PTPRD: variants seen among roughly 807,000 people sequenced by gnomAD.
The protein encoded by PTPRD is protein tyrosine phosphatase receptor type D.
A neutral mutation model predicts 214.5 loss-of-function variants in PTPRD; 34 were observed. The observed-to-expected ratio is 0.16, with a 90% CI of 0.12 to 0.21. The LOEUF is 0.21. Among genes scored for constraint, PTPRD ranks in the 10% least tolerant of loss-of-function variants. PTPRD has a pLI of 1.00. For missense variants in PTPRD, 2,545 were observed against 2,398.7 expected (o/e 1.06, Z -1.27); for synonymous variants, 1,128 against 845.7 (o/e 1.33, Z -5.79).
chr9:9,384,587 C>A (rs1220764799), intron 9 of PTPRD, among the ~76,000 whole-genome samples: 1 of 151,168 alleles, frequency 6.6e-6, no homozygotes, highest in Non-Finnish European at 1.5e-5. Context: ...TAAGCCAACT[C>A]CTAAAAAATA....
intron 7 of PTPRD, among the ~76,000 whole-genome samples, chr9:9,630,110 T>C (rs1196226535): frequency 6.6e-6 from 1 of 152,132 alleles, no homozygotes; most frequent in Non-Finnish European, 1.5e-5. Flanking sequence ...TGGAAACACA[T>C]GCATTAGGGG....
intron 9 of PTPRD, among the ~76,000 whole-genome samples, chr9:9,203,867 G>C (rs2099943291): frequency 6.6e-6 from 1 of 151,798 alleles, no homozygotes; most frequent in African/African-American, 2.4e-5. Context: ...TTATAGAAAA[G>C]CTAATTTGAG....
intron 2 of PTPRD, among the ~76,000 whole-genome samples, chr9:10,353,733 C>T (rs979917544): frequency 6.6e-6 from 1 of 151,834 alleles, no homozygotes; most frequent in East Asian, 1.9e-4. Flanking sequence ...AACAACCGTA[C>T]ACCAAAATAT....
chr9:10,497,639 A>G (rs958114339), intron 2 of PTPRD, among the ~76,000 whole-genome samples: 6 of 152,048 alleles, frequency 3.9e-5, no homozygotes, highest in Non-Finnish European at 7.4e-5. Flanking sequence ...AATAAATGCA[A>G]TGGCGGATAT....
intron 9 of PTPRD, among the ~76,000 whole-genome samples, chr9:9,387,906 A>T (rs927121609): frequency 2.0e-5 from 3 of 152,160 alleles, no homozygotes; most frequent in Non-Finnish European, 4.4e-5. Context: ...CCCAGTGGGC[A>T]TGTGTTACAG....
At chr9:9,007,884 T>G in intron 11 of PTPRD, among the ~76,000 whole-genome samples, 1 of 110,832 alleles carries the variant, frequency 9.0e-6, no homozygotes, top group African/African-American at 2.7e-5. Context: ...TTTAGAAAAG[T>G]GTTTTTTTTT....
rs766830321 is a variant in PTPRD, at chr9:8,890,490, C to T, written c.-104+128207G>A. On this transcript the variant is annotated intron_variant, in intron 11 of 45. Coordinates refer to ENST00000381196, the MANE Select transcript of PTPRD (RefSeq NM_002839.4). ...CTTGCAAGTGACACAGAACCATTCA[C>T]CAGCTAGACTTCATCTTTTGGGTCA... 7.7e-4 allele frequency among the ~76,000 whole-genome samples: 118 copies of T among 152,334 alleles called. 1 individual carries two copies. Among genetic ancestry groups the T allele is most frequent in the Non-Finnish European group, 1.3e-3 (91 of 68,030 alleles).
chr9:10,028,727 C>G (rs1310468680), intron 4 of PTPRD, among the ~76,000 whole-genome samples: 2 of 152,118 alleles, frequency 1.3e-5, no homozygotes, highest in Non-Finnish European at 2.9e-5. Flanking sequence ...AGCAGTAAAG[C>G]ATTCAAGAGG....
intron 4 of PTPRD, among the ~76,000 whole-genome samples, chr9:9,993,867 A>G (rs1323480868): frequency 1.3e-5 from 2 of 152,198 alleles, no homozygotes; most frequent in African/African-American, 4.8e-5. Context: ...GACACAGTGA[A>G]TCATGTTAAC....
chr9:9,740,428 G>A (rs1305583896), intron 6 of PTPRD, among the ~76,000 whole-genome samples: 12 of 151,842 alleles, frequency 7.9e-5, no homozygotes, highest in Admixed American at 7.9e-4. Flanking sequence ...CGTAATCTGG[G>A]CTCACTGCAA....
At position 8,336,494 on chromosome 9, in the gene PTPRD, A is replaced by T. The variant is rs1013980111; in HGVS notation, c.5379+2428T>A. Among the ~76,000 whole-genome samples the T allele has an allele frequency of 2.7e-5, 4 of 150,776 alleles. No individual in the cohort carries two copies. The South Asian group carries it at 8.3e-4, about 31-fold the overall frequency. On this transcript the variant is annotated intron_variant, in intron 43 of 45. Coordinates refer to ENST00000381196, the MANE Select transcript of PTPRD (RefSeq NM_002839.4). Reference sequence around the variant, plus strand: ...AAGATGTAAAATGATGAAAACCCCTAGAAGAAAACCTAGGCAATACCATTC... The same window carrying T: ...AAGATGTAAAATGATGAAAACCCCTTGAAGAAAACCTAGGCAATACCATTC...
intron 39 of PTPRD, among the ~76,000 whole-genome samples, chr9:8,362,812 C>T (rs747463490): frequency 7.4e-4 from 112 of 152,312 alleles, no homozygotes; most frequent in Admixed American, 1.4e-3. Flanking sequence ...AAGTGAGTGA[C>T]TTGCACAAGA....
At chr9:8,367,959 T>C (rs924852233) in intron 39 of PTPRD, among the ~76,000 whole-genome samples, 1 of 152,220 alleles carries the variant, frequency 6.6e-6, no homozygotes, top group African/African-American at 2.4e-5. Flanking sequence ...GATTGTTTAA[T>C]GTGCTCGAGG....
chr9:8,423,367 T>C (rs1041729023), intron 35 of PTPRD, among the ~76,000 whole-genome samples: 3 of 152,216 alleles, frequency 2.0e-5, no homozygotes, highest in African/African-American at 7.2e-5. Flanking sequence ...AGTGGTTTTG[T>C]ATCCTCCTGC....
chr9:9,915,568 G>T (rs1055774929), intron 5 of PTPRD, among the ~76,000 whole-genome samples: 1 of 150,332 alleles, frequency 6.7e-6, no homozygotes, highest in Admixed American at 6.6e-5. Context: ...AAGTACTAAA[G>T]CTGAATAATT....
At chr9:9,817,885 C>G (rs1331706372) in intron 5 of PTPRD, among the ~76,000 whole-genome samples, 1 of 152,142 alleles carries the variant, frequency 6.6e-6, no homozygotes, top group Non-Finnish European at 1.5e-5. Context: ...CATTGTGGAG[C>G]TAGTTAGCAA....
At chr9:9,417,982 C>T (rs1490393020) in intron 8 of PTPRD, among the ~76,000 whole-genome samples, 2 of 151,986 alleles carry the variant, frequency 1.3e-5, no homozygotes, top group African/African-American at 4.8e-5. Flanking sequence ...TTTGGTTTCA[C>T]CTGAAAAGTT....
chr9:9,505,778 A>T (rs2096556405), intron 8 of PTPRD, among the ~76,000 whole-genome samples: 1 of 151,504 alleles, frequency 6.6e-6, no homozygotes, highest in Non-Finnish European at 1.5e-5. Flanking sequence ...AACAGTGATA[A>T]ACCTTTTAAA....
At chr9:9,599,268 T>C (rs1271822302) in intron 7 of PTPRD, among the ~76,000 whole-genome samples, 1 of 152,070 alleles carries the variant, frequency 6.6e-6, no homozygotes, top group Non-Finnish European at 1.5e-5. Flanking sequence ...ACTCTTCCGA[T>C]GCTCGTTAGG....
Sources: gnomAD v4.1 joint callset for allele counts (sites outside exome capture counted in the v4.1 genomes callset) on GRCh38, gnomAD v4.1.1 for gene constraint, MANE v1.5 for transcripts, NCBI Gene and HGNC (gene_info 2026-07-23, HGNC 2026-07-21) for gene names.